The following DNAH17 variants were observed in gnomAD, a reference collection of about 807,000 sequenced individuals.
The protein encoded by DNAH17 is axonemal beta dynein heavy chain 17.
DNAH17 carries 376 observed loss-of-function variants against 485.6 expected under a neutral mutation model. The observed-to-expected ratio is 0.77, with a 90% CI of 0.71 to 0.84. DNAH17 has a LOEUF of 0.84. Among genes scored for constraint, DNAH17 ranks in the 40% least tolerant of loss-of-function variants. The probability of loss-of-function intolerance (pLI) is 0.00; values close to 1 mark genes in which losing one functional copy is unlikely to be tolerated. For missense variants in DNAH17, 6,370 were observed against 5,839.3 expected (o/e 1.09, Z -2.96); for synonymous variants, 3,031 against 2,405.9 (o/e 1.26, Z -7.60).
chr17:78,534,300 C>T (rs1457779561), intron 19 of DNAH17, among the ~76,000 whole-genome samples: 4 of 152,160 alleles, frequency 2.6e-5, no homozygotes, highest in African/African-American at 7.2e-5. Flanking sequence ...CAGGGGACCT[C>T]GTTGGTAAGG....
intron 54 of DNAH17, among the ~76,000 whole-genome samples, chr17:78,474,561 G>T (rs547200210): frequency 2.0e-5 from 3 of 152,344 alleles, no homozygotes; most frequent in East Asian, 1.9e-4. Context: ...GAGAGAATAG[G>T]TAACAATTTG....
In DNAH17 at chr17:78,468,707, G is replaced by A. The variant is rs1434200627; in HGVS notation, c.8688C>T (p.Ser2896=). The change falls in exon 55 of 81, where the codon TCC becomes TCT. Residue 2896 remains serine, a synonymous_variant. Coordinates refer to ENST00000389840, the MANE Select transcript of DNAH17 (RefSeq NM_173628.4). ...MEDEVENIIS[S]MRPQVKSLGM... ...CAAGGGACTTGACTTGGGGTCGCAT[G>A]GAGGAGATGATGTTCTCCACCTCGT... The A allele has an allele frequency of 4.3e-6, 7 of 1,613,914 alleles. No homozygotes were observed. Among genetic ancestry groups the A allele is most frequent in the African/African-American group, 1.3e-5 (1 of 74,936 alleles).
chr17:78,465,342 C>T (rs1470629683), intron 56 of DNAH17, among the ~76,000 whole-genome samples: 6 of 151,796 alleles, frequency 4.0e-5, no homozygotes, highest in Non-Finnish European at 8.8e-5. Flanking sequence ...AGCCTCTGCC[C>T]GGCCGCCACC....
intron 64 of DNAH17, 53 bp downstream of exon 64, chr17:78,454,417 G>A: frequency 1.4e-6 from 2 of 1,442,008 alleles, no homozygotes; most frequent in South Asian, 2.4e-5. Context: ...AATGCCTAAG[G>A]CGTGCTTCCA....
In DNAH17 at chr17:78,530,483, C is replaced by G. The variant is rs1568205027; in HGVS notation, c.3144G>C (p.Glu1048Asp). 9 of 1,611,602 alleles carry G rather than the reference C, an allele frequency of 5.6e-6. No individual in the cohort carries two copies. Among genetic ancestry groups the G allele is most frequent in the Non-Finnish European group, 7.6e-6 (9 of 1,178,294 alleles). ...QIDSYEKLYE[E>D]VSKCENTKVF... The stretch of plus-strand genomic sequence containing the variant: ...CCTTGGTGTTCTCGCACTTGGACAC[C>G]TCCTCATACAGCTTCTCGTAGGAGT... The change falls in exon 21 of 81, where the codon GAG becomes GAC. Residue 1048 changes from glutamate (E) to aspartate (D), a missense_variant. Glu to Asp is a conservative substitution (Grantham distance 45). Coordinates refer to ENST00000389840, the MANE Select transcript of DNAH17 (RefSeq NM_173628.4).
intron 13 of DNAH17, among the ~76,000 whole-genome samples, chr17:78,558,667 A>T (rs923818417): frequency 6.6e-6 from 1 of 152,070 alleles, no homozygotes; most frequent in African/African-American, 2.4e-5. Context: ...ACATCATCCT[A>T]ATTTTCTTAT....
rs1320267999 is a variant in DNAH17 at position 78,423,905 on chromosome 17, G to C, written c.*1C>G. The stretch of plus-strand genomic sequence containing the variant: ...AGTGTGGGCTGTGAGGCAGGAGCGA[G>C]CTAAACCTGTAGGAGCAGCGCCACG... On this transcript the variant is annotated 3_prime_UTR_variant, in exon 81 of 81. Coordinates refer to ENST00000389840, the MANE Select transcript of DNAH17 (RefSeq NM_173628.4). 6.2e-7 allele frequency: 1 copy of C among 1,613,940 alleles called. No individual in the cohort carries two copies. The highest frequency in any genetic ancestry group is 1.3e-5 in the African/African-American group (1 of 75,072).
At chr17:78,563,799 T>A (rs1313298817) in intron 11 of DNAH17, among the ~76,000 whole-genome samples, 1 of 152,074 alleles carries the variant, frequency 6.6e-6, no homozygotes, top group Non-Finnish European at 1.5e-5. Flanking sequence ...CCCAGGGCCC[T>A]ATCCTATTTA....
At chr17:78,455,310 C>T (rs868560577) in intron 63 of DNAH17, among the ~76,000 whole-genome samples, 22 of 150,772 alleles carry the variant, frequency 1.5e-4, no homozygotes, top group African/African-American at 2.0e-4. Flanking sequence ...CCACATTTCC[C>T]GAGTGATGAG....
rs60585404 is a variant in DNAH17 at position 78,571,289 on chromosome 17, G to A, written c.822C>T (p.Asn274=). The change falls in exon 5 of 81, where the codon AAC becomes AAT. Residue 274 remains asparagine (N), a synonymous_variant. Coordinates refer to ENST00000389840, the MANE Select transcript of DNAH17 (RefSeq NM_173628.4). Reference sequence around the variant, plus strand: ...GGGTCACAGGCTCACCTTCAGTGACGTTGGTGTAAACGTTTTGCAGGGCTG... The same window carrying A: ...GGGTCACAGGCTCACCTTCAGTGACATTGGTGTAAACGTTTTGCAGGGCTG... ...YWPALQNVYT[N]VTEGLKEAND... 838 of 1,613,162 alleles carry A rather than the reference G, an allele frequency of 5.2e-4. 2 individuals carry two copies. In the African/African-American group the frequency reaches 8.2e-3, roughly 16 times the overall value.
chr17:78,545,937 G>T (rs945445945), intron 16 of DNAH17, among the ~76,000 whole-genome samples: 8 of 151,858 alleles, frequency 5.3e-5, no homozygotes, highest in African/African-American at 1.5e-4. Context: ...TGTATGCAAG[G>T]ATGTATATAT....
At chr17:78,444,896 C>T (rs2087216259) in intron 70 of DNAH17, 99 bp from the exon 71 acceptor site, 1 of 1,222,858 alleles carries the variant, frequency 8.2e-7, no homozygotes, top group Admixed American at 3.1e-5. Flanking sequence ...CCATTACCCT[C>T]CGAGGAAACC....
chr17:78,493,455 C>T (rs150514578), intron 41 of DNAH17, among the ~76,000 whole-genome samples: 29 of 152,328 alleles, frequency 1.9e-4, no homozygotes, highest in East Asian at 1.5e-3. Context: ...TTTAAAGACA[C>T]GGTTGAGGAC....
At chr17:78,424,980 C>T (rs1454106122) in intron 80 of DNAH17, 15 of 175,284 alleles carry the variant, frequency 8.6e-5, no homozygotes. Context: ...AGTCTCAGTG[C>T]AGCCACAAAA....
chr17:78,506,737 C>T lies in DNAH17; in HGVS notation c.4786G>A (p.Gly1596Ser). The T allele has an allele frequency of 6.2e-7, 1 of 1,613,910 alleles. No individual in the cohort carries two copies. Among genetic ancestry groups the T allele is most frequent in the Non-Finnish European group, 8.5e-7 (1 of 1,179,868 alleles). ...CCGCCTACCTCCACGGGGTCATTGC[C>T]ATTGGAGAGAATGTCCAGGAGGTCA... is the stretch of plus-strand genomic sequence containing the variant. ...SADLLDILSN[G>S]NDPVEVSRHL... is the part of the protein sequence containing the mutation. The change falls in exon 30 of 81, where the codon GGC (glycine) becomes AGC (serine). Residue 1596 changes from glycine to serine, a missense_variant. By Grantham distance (56) the Gly-to-Ser change is moderately conservative. Transcript: ENST00000389840.
intron 26 of DNAH17, among the ~76,000 whole-genome samples, chr17:78,511,297 G>A (rs775150685): frequency 2.0e-5 from 3 of 152,156 alleles, no homozygotes; most frequent in Admixed American, 6.5e-5. Flanking sequence ...TAGTAGAGAC[G>A]GGGTTTCACC....
At chr17:78,433,915 G>A (rs1469237953) in intron 75 of DNAH17, 114 bp downstream of exon 75, 4 of 505,768 alleles carry the variant, frequency 7.9e-6, no homozygotes, top group Non-Finnish European at 1.1e-5. Flanking sequence ...CAAAAGGAAA[G>A]GGAGGGAAGG....
rs1477954548 is a variant in DNAH17, at chr17:78,427,128, C to A, written c.12589-20G>T. The A allele has an allele frequency of 2.6e-6, 4 of 1,558,298 alleles. No homozygotes were observed. The African/African-American group carries it at 5.5e-5, about 21-fold the overall frequency. On this transcript the variant is annotated intron_variant, in intron 77 of 80. Transcript: ENST00000389840. ...CTTCACCTGGAAGCCAGTCCCCGGA[C>A]AGCCCCTGTCACTGCAAAGAGCCCA... is the stretch of plus-strand genomic sequence containing the variant.
chr17:78,444,429 T>G (rs948741157), intron 71 of DNAH17, among the ~76,000 whole-genome samples, 175 bp downstream of exon 71: 11 of 152,106 alleles, frequency 7.2e-5, no homozygotes. Context: ...TCGAAGAACT[T>G]TGTGTGAAAT....
Sources: gnomAD v4.1 joint callset for allele counts (sites outside exome capture counted in the v4.1 genomes callset) on GRCh38, gnomAD v4.1.1 for gene constraint, MANE v1.5 for transcripts, NCBI Gene and HGNC (gene_info 2026-07-23, HGNC 2026-07-21) for gene names.